The following SPAG16 variants were observed in gnomAD, a reference collection of about 807,000 sequenced individuals.
The protein encoded by SPAG16 is sperm associated antigen 16.
In SPAG16, 86 loss-of-function variants were observed where a neutral mutation model predicts 80.4. That is an observed-to-expected ratio of 1.07 (90% CI 0.90 to 1.28). The LOEUF (loss-of-function observed/expected upper bound fraction) is 1.28. SPAG16 is among the 50% of genes most tolerant of loss of function. SPAG16 has a pLI of 0.00. For synonymous variants in SPAG16, 294 were observed against 265.9 expected (o/e 1.11, Z -1.03); for missense variants, 870 against 765.3 (o/e 1.14, Z -1.61).
intron 10 of SPAG16, among the ~76,000 whole-genome samples, chr2:213,611,978 T>G (rs2061452866): frequency 6.6e-6 from 1 of 152,158 alleles, no homozygotes; most frequent in East Asian, 1.9e-4. Flanking sequence ...CAAGAATCAA[T>G]AGTTGATTAT....
chr2:214,175,201 A>G (rs1000303438), intron 15 of SPAG16, among the ~76,000 whole-genome samples: 2 of 136,890 alleles, frequency 1.5e-5, no homozygotes, highest in Non-Finnish European at 3.3e-5. Flanking sequence ...AAAGAAATAT[A>G]TATATATATA....
intron 10 of SPAG16, among the ~76,000 whole-genome samples, chr2:213,740,646 T>C (rs1486030390): frequency 6.6e-6 from 1 of 152,212 alleles, no homozygotes; most frequent in African/African-American, 2.4e-5. Flanking sequence ...CTACTAGTTA[T>C]AGGGCATATA....
At chr2:213,331,684 C>T (rs2124871002) in intron 5 of SPAG16, among the ~76,000 whole-genome samples, 1 of 152,314 alleles carries the variant, frequency 6.6e-6, no homozygotes, top group East Asian at 1.9e-4. Context: ...CAAACATCTT[C>T]TCTGACCACG....
At chr2:213,738,834 G>A (rs1326007912) in intron 10 of SPAG16, among the ~76,000 whole-genome samples, 4 of 152,132 alleles carry the variant, frequency 2.6e-5, no homozygotes, top group Non-Finnish European at 4.4e-5. Context: ...GACAGGTTCT[G>A]TCCAGTGGGT....
intron 11 of SPAG16, among the ~76,000 whole-genome samples, chr2:213,862,910 C>T (rs970312742): frequency 3.3e-5 from 5 of 152,256 alleles, no homozygotes; most frequent in African/African-American, 9.6e-5. Context: ...CTTGTGCTCA[C>T]GAGCCCTGAC....
Position 214,125,585 on chromosome 2 carries a change from T to G in SPAG16, c.1593+17324T>G, listed in dbSNP as rs192558891. Among the ~76,000 whole-genome samples, 4 of 151,928 alleles carry G rather than the reference T, an allele frequency of 2.6e-5. No individual in the cohort carries two copies. In the East Asian group the frequency reaches 7.7e-4, roughly 29 times the overall value. On this transcript the variant is annotated intron_variant, in intron 14 of 15. Coordinates refer to ENST00000331683, the MANE Select transcript of SPAG16 (RefSeq NM_024532.5). ...AAGGACAGTCTGTTAGAAATAATTC[T>G]TAAAAAGGCTCTACATTTTAGTTAA...
chr2:213,447,362 G>T (rs963223832), intron 9 of SPAG16, among the ~76,000 whole-genome samples: 1 of 152,140 alleles, frequency 6.6e-6, no homozygotes, highest in Non-Finnish European at 1.5e-5. Flanking sequence ...ACTGGCTATC[G>T]CCATGTCCAG....
intron 15 of SPAG16, among the ~76,000 whole-genome samples, chr2:214,307,245 T>A (rs1694981069): frequency 6.6e-6 from 1 of 152,164 alleles, no homozygotes; most frequent in Non-Finnish European, 1.5e-5. Flanking sequence ...CCTTTTTTGT[T>A]TCTGATTGTG....
At chr2:214,337,123 A>G (rs1045829901) in intron 15 of SPAG16, among the ~76,000 whole-genome samples, 4 of 151,602 alleles carry the variant, frequency 2.6e-5, no homozygotes, top group African/African-American at 9.7e-5. Flanking sequence ...CATGGTGCCA[A>G]TCCTTTCTGT....
At chr2:213,413,292 AAGTATTATTTAAATTTTTT>A (rs2069085477) in intron 9 of SPAG16, among the ~76,000 whole-genome samples, 1 of 152,156 alleles carries the variant, frequency 6.6e-6, no homozygotes, top group South Asian at 2.1e-4. Context: ...CCATAAGATT[AAGTATTATTTAAATTTTTT>A]TGAAGTATCA....
chr2:214,031,471 G>A (rs1402444622), intron 13 of SPAG16, among the ~76,000 whole-genome samples: 6 of 134,822 alleles, frequency 4.5e-5, no homozygotes, highest in East Asian at 2.4e-4. Flanking sequence ...GGGAGGGATA[G>A]CATTAGGAGA....
chr2:213,609,884 T>C (rs929664554), intron 10 of SPAG16, among the ~76,000 whole-genome samples: 1 of 152,130 alleles, frequency 6.6e-6, no homozygotes, highest in Non-Finnish European at 1.5e-5. Context: ...TTTAATTCTC[T>C]AAACAAAATC....
intron 15 of SPAG16, among the ~76,000 whole-genome samples, chr2:214,157,079 G>A (rs1284529985): frequency 1.3e-5 from 2 of 152,012 alleles, no homozygotes. Flanking sequence ...TAGAATTTGG[G>A]CCTCACTGAT....
At chr2:213,945,001 G>A (rs1170491058) in intron 12 of SPAG16, among the ~76,000 whole-genome samples, 2 of 152,042 alleles carry the variant, frequency 1.3e-5, no homozygotes, top group African/African-American at 4.8e-5. Context: ...TCGTGCCATT[G>A]CCCTCCAGCC....
At chr2:214,003,243 G>A (rs1344404221) in intron 12 of SPAG16, among the ~76,000 whole-genome samples, 2 of 152,170 alleles carry the variant, frequency 1.3e-5, no homozygotes, top group Non-Finnish European at 2.9e-5. Context: ...CACTGTGGGA[G>A]ATCGGTTAAT....
intron 12 of SPAG16, among the ~76,000 whole-genome samples, chr2:213,966,905 G>A (rs1344888547): frequency 1.3e-5 from 2 of 152,156 alleles, no homozygotes; most frequent in Non-Finnish European, 2.9e-5. Context: ...AGGGGAAGAT[G>A]AAATTCACAC....
At chr2:213,489,129 A>G (rs2074126646) in intron 9 of SPAG16, among the ~76,000 whole-genome samples, 2 of 152,180 alleles carry the variant, frequency 1.3e-5, no homozygotes, top group African/African-American at 2.4e-5. Context: ...TGTTTGAGAT[A>G]AATAATTTTT....
rs569505092 is a variant in SPAG16 at position 213,573,335 on chromosome 2, A to G, written c.1070+83245A>G. 3.9e-3 allele frequency among the ~76,000 whole-genome samples: 593 copies of G among 152,346 alleles called. 4 individuals are homozygous for G. Among genetic ancestry groups the G allele is most frequent in the Non-Finnish European group, 4.7e-3 (317 of 68,034 alleles). The stretch of plus-strand genomic sequence containing the variant: ...TCCTTGATTAATTCTAATTACCTAG[A>G]ACAATCATTTTTATTTCTCTGTGAT... On this transcript the variant is annotated intron_variant, in intron 10 of 15. Transcript: ENST00000331683.
At chr2:214,192,366 T>C (rs1478691309) in intron 15 of SPAG16, among the ~76,000 whole-genome samples, 1 of 152,144 alleles carries the variant, frequency 6.6e-6, no homozygotes, top group African/African-American at 2.4e-5. Context: ...TAATGTTAAA[T>C]TTGTTACCGA....
Sources: allele counts gnomAD v4.1 joint callset (sites outside exome capture counted in the v4.1 genomes callset), GRCh38; gene constraint gnomAD v4.1.1; transcripts MANE v1.5; gene names NCBI Gene and HGNC (gene_info 2026-07-23, HGNC 2026-07-21).